Variants in EPB41L2 observed in about 807,000 individuals in gnomAD.
EPB41L2 encodes band 4.1-like protein 2.
Under a neutral mutation model 113.0 loss-of-function variants are expected in EPB41L2, and 43 were observed. That is an observed-to-expected ratio of 0.38 (90% CI 0.30 to 0.49). The LOEUF is 0.49. Among genes scored for constraint, EPB41L2 ranks in the 20% least tolerant of loss-of-function variants. The probability of loss-of-function intolerance (pLI) is 0.95; values close to 1 mark genes in which losing one functional copy is unlikely to be tolerated. For synonymous variants in EPB41L2, 442 were observed against 436.7 expected, an observed-to-expected ratio of 1.01 and a Z score of -0.15; for missense variants, 1,147 against 1,223.4, an observed-to-expected ratio of 0.94 and a Z score of 0.93.
At chr6:130,847,271 G>T (rs2036217585) in intron 19 of EPB41L2, among the ~76,000 whole-genome samples, 1 of 152,148 alleles carries the variant, frequency 6.6e-6, no homozygotes, top group African/African-American at 2.4e-5. Flanking sequence ...GGAGAGCTTT[G>T]TCTTGTTTGG....
intron 1 of EPB41L2, among the ~76,000 whole-genome samples, chr6:130,960,379 C>T (rs1408906592): frequency 6.6e-6 from 1 of 152,022 alleles, no homozygotes; most frequent in Non-Finnish European, 1.5e-5. Context: ...AAAGAAAATC[C>T]CATTTGTACG....
chr6:131,018,242 C>T (rs1209282395), intron 1 of EPB41L2, among the ~76,000 whole-genome samples: 2 of 152,048 alleles, frequency 1.3e-5, no homozygotes, highest in South Asian at 2.1e-4. Context: ...AGACAGCTGC[C>T]GCAGCTCTAA....
At position 130,901,284 on chromosome 6, in the gene EPB41L2, A is replaced by G. The variant is rs562097737; in HGVS notation, c.930-104T>C. On this transcript the variant is annotated intron_variant, in intron 6 of 19. Transcript: ENST00000337057. ...GTACCCCTTTGAAAACAAATATACA[A>G]TATAGGCACTCTTCATATAAACAGC... The G allele has an allele frequency of 4.9e-5, 44 of 893,594 alleles. No individual in the cohort carries two copies. The African/African-American group carries it at 5.0e-4, about 10-fold the overall frequency. 55.4% of individuals were successfully genotyped at this position (893,594 alleles called of 1,614,324 possible).
At chr6:130,873,781 TAAAG>T (rs1330020440) in intron 14 of EPB41L2, among the ~76,000 whole-genome samples, 2 of 152,032 alleles carry the variant, frequency 1.3e-5, no homozygotes, top group African/African-American at 4.8e-5. Flanking sequence ...TCAGAAATCT[TAAAG>T]AAAAATCAAT....
At chr6:130,856,649 A>C (rs979747674) in intron 19 of EPB41L2, among the ~76,000 whole-genome samples, 25 of 152,358 alleles carry the variant, frequency 1.6e-4, no homozygotes, top group African/African-American at 5.3e-4. Context: ...GAAAATGAAA[A>C]TGTGTAACCT....
At chr6:130,896,919 C>T (rs541246953) in intron 8 of EPB41L2, among the ~76,000 whole-genome samples, 1 of 152,090 alleles carries the variant, frequency 6.6e-6, no homozygotes, top group South Asian at 2.1e-4. Context: ...AAAGGGAGGT[C>T]AGGGTGTTTA....
At chr6:130,874,647 G>A (rs1193387416) in intron 14 of EPB41L2, among the ~76,000 whole-genome samples, 1 of 152,140 alleles carries the variant, frequency 6.6e-6, no homozygotes, top group Non-Finnish European at 1.5e-5. Context: ...TGTCAAAAAA[G>A]TATGTATTTT....
chr6:130,903,749 T>C (rs1476981603), intron 6 of EPB41L2, among the ~76,000 whole-genome samples: 1 of 152,132 alleles, frequency 6.6e-6, no homozygotes, highest in Admixed American at 6.6e-5. Context: ...CCCAGTGTAA[T>C]CAGGCTAAGA....
At chr6:131,029,866 C>T (rs1470113461) in intron 1 of EPB41L2, among the ~76,000 whole-genome samples, 1 of 150,904 alleles carries the variant, frequency 6.6e-6, no homozygotes, top group Non-Finnish European at 1.5e-5. Flanking sequence ...CTTTATCCAA[C>T]AATGGAATCC....
chr6:130,929,745 C>T (rs1196048377), intron 3 of EPB41L2, among the ~76,000 whole-genome samples: 1 of 152,022 alleles, frequency 6.6e-6, no homozygotes, highest in African/African-American at 2.4e-5. Flanking sequence ...CAGTAGCCTA[C>T]AAGATAGCCT....
intron 1 of EPB41L2, among the ~76,000 whole-genome samples, chr6:131,051,352 C>A (rs572136241): frequency 6.7e-6 from 1 of 149,186 alleles, no homozygotes; most frequent in Admixed American, 6.7e-5. Flanking sequence ...TTCCAAAATC[C>A]AATATATTTA....
chr6:131,020,962 T>C (rs1789331665), intron 1 of EPB41L2, among the ~76,000 whole-genome samples: 1 of 152,134 alleles, frequency 6.6e-6, no homozygotes, highest in Admixed American at 6.5e-5. Flanking sequence ...GCTAATTTTT[T>C]TTTTTTAACT....
intron 13 of EPB41L2, among the ~76,000 whole-genome samples, 153 bp downstream of exon 13, chr6:130,879,991 G>A (rs367653587): frequency 3.3e-5 from 5 of 152,120 alleles, no homozygotes; most frequent in African/African-American, 9.7e-5. Context: ...AAGGAACACC[G>A]TCAGGCTGGT....
intron 1 of EPB41L2, among the ~76,000 whole-genome samples, chr6:131,034,346 G>A (rs920432322): frequency 2.6e-5 from 4 of 152,230 alleles, no homozygotes; most frequent in South Asian, 4.2e-4. Context: ...AGTGTCATAC[G>A]CCTGTAATCC....
At chr6:130,867,233 A>G (rs1784065806) in intron 16 of EPB41L2, among the ~76,000 whole-genome samples, 1 of 152,196 alleles carries the variant, frequency 6.6e-6, no homozygotes, top group Admixed American at 6.5e-5. Context: ...CTAAATAATC[A>G]TATGTACAGT....
intron 14 of EPB41L2, among the ~76,000 whole-genome samples, chr6:130,871,616 T>G (rs556987123): frequency 6.6e-6 from 1 of 152,186 alleles, no homozygotes; most frequent in Non-Finnish European, 1.5e-5. Flanking sequence ...CCTGCCCTAT[T>G]ATTCTTAAAC....
At position 130,869,857 on chromosome 6, in the gene EPB41L2, C is replaced by T; in HGVS notation, c.2313G>A (p.Gln771=). 1 of 1,613,574 alleles carries T rather than the reference C, an allele frequency of 6.2e-7. No individual in the cohort carries two copies. Among genetic ancestry groups the T allele is most frequent in the Non-Finnish European group, 8.5e-7 (1 of 1,179,992 alleles). ...CTTCCTCCACCTCTTCTTCATACTC[C>T]TGTTCCTCCCTGATGGTGCCCTCGG... is the stretch of plus-strand genomic sequence containing the variant. ...RVTEGTIREE[Q]EYEEEVEEEP... Residue 771 remains glutamine (Q), a synonymous_variant, in exon 15 of 20, where the codon CAG becomes CAA. Coordinates refer to ENST00000337057, the MANE Select transcript of EPB41L2 (RefSeq NM_001431.4).
chr6:131,020,631 G>C (rs912497378), intron 1 of EPB41L2, among the ~76,000 whole-genome samples: 4 of 152,198 alleles, frequency 2.6e-5, no homozygotes, highest in Non-Finnish European at 4.4e-5. Context: ...TATTTGGTGA[G>C]AGATGCCAAT....
intron 18 of EPB41L2, among the ~76,000 whole-genome samples, chr6:130,861,874 C>CAAAAAAAAA (rs558987011): frequency 4.1e-5 from 5 of 120,666 alleles, no homozygotes; most frequent in Admixed American, 2.6e-4. Flanking sequence ...TCCATCTCCC[C>CAAAAAAAAA]AAAAAAAAAA....
Sources: allele counts gnomAD v4.1 joint callset (sites outside exome capture counted in the v4.1 genomes callset), GRCh38; gene constraint gnomAD v4.1.1; transcripts MANE v1.5; gene names NCBI Gene and HGNC (gene_info 2026-07-23, HGNC 2026-07-21).